PCDHGA3: variants seen among roughly 807,000 people sequenced by gnomAD.
PCDHGA3 encodes the protein protocadherin gamma subfamily A, 3.
Under a neutral mutation model 58.5 loss-of-function variants are expected in PCDHGA3, and 40 were observed. The ratio of observed to expected loss-of-function variants is 0.68; its 90% CI spans 0.53 to 0.89. The LOEUF (loss-of-function observed/expected upper bound fraction) is 0.89. Among genes scored for constraint, PCDHGA3 ranks in the 40% least tolerant of loss-of-function variants. PCDHGA3 has a pLI of 0.00. For missense variants in PCDHGA3, 1,223 were observed against 1,195.9 expected, an observed-to-expected ratio of 1.02 and a Z score of -0.33; for synonymous variants, 530 against 525.7, an observed-to-expected ratio of 1.01 and a Z score of -0.11.
In PCDHGA3 at chr5:141,350,869, C is replaced by A. The variant is rs528243640; in HGVS notation, c.2424+4412C>A. On this transcript the variant is annotated intron_variant, in intron 1 of 3. Coordinates refer to ENST00000253812, the MANE Select transcript of PCDHGA3 (RefSeq NM_018916.4). The stretch of plus-strand genomic sequence containing the variant: ...AACCTCTAGACAGGGAACATCAGAG[C>A]TCTCATCGCTTAATCCTGACTGCCA... 47 of 1,613,960 alleles carry A rather than the reference C, an allele frequency of 2.9e-5. No individual in the cohort carries two copies. Among genetic ancestry groups the A allele is most frequent in the Non-Finnish European group, 3.9e-5 (46 of 1,179,922 alleles).
chr5:141,476,264 G>T lies in PCDHGA3; in HGVS notation c.2425-18543G>T, dbSNP rs753184649. On this transcript the variant is annotated intron_variant, in intron 1 of 3. Coordinates refer to ENST00000253812, the MANE Select transcript of PCDHGA3 (RefSeq NM_018916.4). This position sits in a 1 kb window ranked among gnomAD's most constrained non-coding sequence, Gnocchi z 7.6. ...AGAGAAGGGTTTCGCTGTGGGCAAC[G>T]TGGTCGCGAACCTTGGTTTGGATCT... The T allele has an allele frequency of 5.0e-6, 8 of 1,613,964 alleles. No individual in the cohort carries two copies. In the African/African-American group the frequency reaches 8.0e-5, roughly 16 times the overall value.
chr5:141,507,504 C>T (rs1443873775), intron 3 of PCDHGA3, among the ~76,000 whole-genome samples: 1 of 152,138 alleles, frequency 6.6e-6, no homozygotes, highest in Admixed American at 6.5e-5. Flanking sequence ...TGTCCCAGGT[C>T]TGGTGGGGCT....
intron 1 of PCDHGA3, chr5:141,441,844 G>T: frequency 2.8e-6 from 1 of 355,710 alleles, no homozygotes. Context: ...CGCGCTCTTG[G>T]ATATGGTGCT....
chr5:141,418,273 A>G (rs1440274831), intron 1 of PCDHGA3: 2 of 1,614,082 alleles, frequency 1.2e-6, no homozygotes, highest in Non-Finnish European at 8.5e-7. Flanking sequence ...AAGATGAAAT[A>G]AACTTAGAAA....
At chr5:141,446,767 G>A (rs891355909) in intron 1 of PCDHGA3, among the ~76,000 whole-genome samples, 12 of 152,118 alleles carry the variant, frequency 7.9e-5, no homozygotes, top group Non-Finnish European at 1.2e-4. Flanking sequence ...GCGCCCAGCC[G>A]GTTACCATTC....
chr5:141,491,253 T>C lies in PCDHGA3; in HGVS notation c.2425-3554T>C, dbSNP rs71583648. The C allele has an allele frequency of 2.3e-3, 3,639 of 1,614,176 alleles. 33 individuals carry two copies. The African/African-American group carries it at 0.026, about 11-fold the overall frequency. Reference sequence around the variant, plus strand: ...TGCTGGTTCTGGAGGATGAGGACCCTGAGGAAATGCCCAAATCCAGTGACT... The same window carrying C: ...TGCTGGTTCTGGAGGATGAGGACCCCGAGGAAATGCCCAAATCCAGTGACT... On this transcript the variant is annotated intron_variant, in intron 1 of 3. Coordinates refer to ENST00000253812, the MANE Select transcript of PCDHGA3 (RefSeq NM_018916.4). This position sits in a 1 kb window ranked among gnomAD's most constrained non-coding sequence, Gnocchi z 6.9.
chr5:141,422,092 G>A (rs2154549502), intron 1 of PCDHGA3: 6 of 1,611,520 alleles, frequency 3.7e-6, no homozygotes, highest in Non-Finnish European at 5.1e-6. Flanking sequence ...GGAAAGCAAG[G>A]CTTCTGAAAT....
At position 141,491,423 on chromosome 5, in the gene PCDHGA3, G is replaced by C; in HGVS notation, c.2425-3384G>C. On this transcript the variant is annotated intron_variant, in intron 1 of 3. Transcript: ENST00000253812. The surrounding 1 kb of genome is among the most constrained non-coding windows in gnomAD (Gnocchi z 6.9). ...AACGCAGACGGGGACGGGGGTGGAG[G>C]GCAGTGCTGCAGGCGCCAGGACTCA... 1 of 1,614,126 alleles carries C rather than the reference G, an allele frequency of 6.2e-7. No individual in the cohort carries two copies. Among genetic ancestry groups the C allele is most frequent in the South Asian group, 1.1e-5 (1 of 91,090 alleles).
intron 1 of PCDHGA3, among the ~76,000 whole-genome samples, chr5:141,470,448 T>C (rs1384666661): frequency 6.6e-6 from 1 of 152,192 alleles, no homozygotes. Flanking sequence ...TTTAATAGCA[T>C]CTTGAATAGG....
At chr5:141,444,813 T>A (rs1382814369) in intron 1 of PCDHGA3, among the ~76,000 whole-genome samples, 3 of 152,228 alleles carry the variant, frequency 2.0e-5, no homozygotes, top group African/African-American at 4.8e-5. Flanking sequence ...AATAGCACAC[T>A]GTCTCAATTA....
rs960870975 is a variant in PCDHGA3 at position 141,417,761 on chromosome 5, C to T, written c.2424+71304C>T. On this transcript the variant is annotated intron_variant, in intron 1 of 3. Coordinates refer to ENST00000253812, the MANE Select transcript of PCDHGA3 (RefSeq NM_018916.4). ...ACACCAGATTGCCAGCTCCGAGACC[C>T]GGGACTCCTCCTGTCCTGGGCCGAA... is the stretch of plus-strand genomic sequence containing the variant. 1.8e-5 allele frequency: 26 copies of T among 1,438,736 alleles called. No homozygotes were observed. The East Asian group carries it at 5.0e-4, about 28-fold the overall frequency. The allele number at this position is 1,438,736 out of a possible 1,614,324, so 89.1% of individuals were successfully genotyped here.
rs753372015 is a variant in PCDHGA3 at position 141,422,180 on chromosome 5, T to C, written c.2425-72627T>C. The stretch of plus-strand genomic sequence containing the variant: ...TTTGAAAAATATAGATTCTATGAGA[T>C]GGAAATTCAAGGCCAAGATGGTGGA... On this transcript the variant is annotated intron_variant, in intron 1 of 3. Coordinates refer to ENST00000253812, the MANE Select transcript of PCDHGA3 (RefSeq NM_018916.4). 1.1e-5 allele frequency: 17 copies of C among 1,562,190 alleles called. No homozygotes were observed. In the African/African-American group the frequency reaches 1.9e-4, roughly 18 times the overall value.
chr5:141,344,823 G>A lies in PCDHGA3; in HGVS notation c.790G>A (p.Val264Met). 1 of 1,613,936 alleles carries A rather than the reference G, an allele frequency of 6.2e-7. No homozygotes were observed. Among genetic ancestry groups the A allele is most frequent in the Non-Finnish European group, 8.5e-7 (1 of 1,179,892 alleles). Residue 264 changes from valine to methionine, a missense_variant, in exon 1 of 4, where the codon GTG becomes ATG. Transcript: ENST00000253812. ...NVPVGTRLLT[V>M]NATDPDEGFN... is the part of the protein sequence containing the mutation. ...GCCTGTGGGTACCCGGCTGCTCACG[G>A]TGAATGCCACTGACCCTGACGAGGG... is the stretch of plus-strand genomic sequence containing the variant.
chr5:141,457,806 G>A (rs1321207711), intron 1 of PCDHGA3, among the ~76,000 whole-genome samples: 1 of 152,150 alleles, frequency 6.6e-6, no homozygotes, highest in Non-Finnish European at 1.5e-5. Context: ...CTCCTCTTGA[G>A]GTCCCAAGAT....
chr5:141,422,239 G>C (rs2096636040), intron 1 of PCDHGA3: 3 of 1,566,586 alleles, frequency 1.9e-6, no homozygotes, highest in East Asian at 4.5e-5. Context: ...GTTGATCACT[G>C]TTGTGGATGT....
At chr5:141,357,326 C>T in intron 1 of PCDHGA3, 8 of 1,614,082 alleles carry the variant, frequency 5.0e-6, no homozygotes, top group Non-Finnish European at 6.8e-6. Context: ...GCTTTTGTCA[C>T]GGTGCTGCTA....
chr5:141,425,528 C>CA (rs890632943), intron 1 of PCDHGA3, among the ~76,000 whole-genome samples: 1 of 152,200 alleles, frequency 6.6e-6, no homozygotes, highest in African/African-American at 2.4e-5. Context: ...AAACATGAAA[C>CA]AATAATCCTT....
intron 1 of PCDHGA3, chr5:141,393,503 G>T: frequency 6.2e-7 from 1 of 1,614,028 alleles, no homozygotes; most frequent in Non-Finnish European, 8.5e-7. Context: ...GCATCCACGT[G>T]ACAGTGTTGG....
chr5:141,456,389 TTTGA>T (rs1181323617), intron 1 of PCDHGA3, among the ~76,000 whole-genome samples: 2 of 152,074 alleles, frequency 1.3e-5, no homozygotes, highest in Non-Finnish European at 2.9e-5. Flanking sequence ...CCGTTTGGAG[TTTGA>T]TTGCTTCTAG....
Sources: gnomAD v4.1 joint callset for allele counts (sites outside exome capture counted in the v4.1 genomes callset) on GRCh38, gnomAD v4.1.1 for gene constraint, Gnocchi (gnomAD v3.1) non-coding constraint, MANE v1.5 for transcripts, NCBI Gene and HGNC (gene_info 2026-07-23, HGNC 2026-07-21) for gene names.